The following NKAIN2 variants were observed in gnomAD, a reference collection of about 807,000 sequenced individuals.
The protein encoded by NKAIN2 is sodium/potassium-transporting ATPase subunit beta-1-interacting protein 2.
NKAIN2 carries 14 observed loss-of-function variants against 32.6 expected under a neutral mutation model. That is an observed-to-expected ratio of 0.43 (90% confidence interval 0.28 to 0.67). The LOEUF is 0.67. NKAIN2 is among the 30% of genes least tolerant of loss of function. The probability of loss-of-function intolerance (pLI) is 0.17; values close to 1 mark genes in which losing one functional copy is unlikely to be tolerated. For synonymous variants in NKAIN2, 80 were observed against 87.2 expected, an observed-to-expected ratio of 0.92 and a Z score of 0.46; for missense variants, 198 against 258.3, an observed-to-expected ratio of 0.77 and a Z score of 1.60.
chr6:124,687,584 A>ACATACATGGTATATATTCCATAT (rs1562324953), intron 4 of NKAIN2, among the ~76,000 whole-genome samples: 11 of 89,884 alleles, frequency 1.2e-4, no homozygotes, highest in Non-Finnish European at 1.7e-4. Flanking sequence ...ATATATTTAT[A>ACATACATGGTATATATTCCATAT]ATATAAATAT....
At chr6:123,981,333 T>G (rs189901892) in intron 1 of NKAIN2, among the ~76,000 whole-genome samples, 1 of 152,066 alleles carries the variant, frequency 6.6e-6, no homozygotes, top group African/African-American at 2.4e-5. Flanking sequence ...GTTTAACCAG[T>G]GCTGGAAAAA....
At chr6:124,490,895 T>C (rs1308716975) in intron 3 of NKAIN2, among the ~76,000 whole-genome samples, 1 of 151,958 alleles carries the variant, frequency 6.6e-6, no homozygotes, top group Non-Finnish European at 1.5e-5. Context: ...CTGAAGATTT[T>C]ATCAAACATT....
intron 1 of NKAIN2, among the ~76,000 whole-genome samples, chr6:124,166,857 G>A (rs1283036624): frequency 6.9e-6 from 1 of 145,436 alleles, no homozygotes; most frequent in African/African-American, 2.5e-5. Context: ...TGAGGGCTCT[G>A]TTCTGTTCCA....
intron 3 of NKAIN2, among the ~76,000 whole-genome samples, chr6:124,456,964 T>C (rs962244838): frequency 1.3e-5 from 2 of 151,904 alleles, no homozygotes; most frequent in Non-Finnish European, 2.9e-5. Context: ...GGGACTTTAC[T>C]TGGGTTCATA....
intron 1 of NKAIN2, among the ~76,000 whole-genome samples, chr6:124,001,684 ATTGTT>A (rs1352145618): frequency 2.0e-5 from 3 of 151,446 alleles, no homozygotes; most frequent in Non-Finnish European, 4.4e-5. Flanking sequence ...TTTTTAAATA[ATTGTT>A]TTGTTTAGAA....
At chr6:124,344,341 T>C (rs1395787726) in intron 2 of NKAIN2, among the ~76,000 whole-genome samples, 5 of 152,126 alleles carry the variant, frequency 3.3e-5, no homozygotes, top group Admixed American at 3.3e-4. Flanking sequence ...ATATGAATTT[T>C]AAAGTAGTTT....
chr6:124,323,903 T>G (rs1797308676), intron 2 of NKAIN2, among the ~76,000 whole-genome samples: 1 of 149,448 alleles, frequency 6.7e-6, no homozygotes, highest in South Asian at 2.2e-4. Flanking sequence ...TTCTCCTGCC[T>G]CAGCCTCCCG....
intron 4 of NKAIN2, among the ~76,000 whole-genome samples, chr6:124,758,404 C>A (rs1238382453): frequency 1.3e-5 from 2 of 152,148 alleles, no homozygotes; most frequent in Non-Finnish European, 2.9e-5. Context: ...AGAAGACAGT[C>A]CTCTATGAGC....
At chr6:124,711,511 CT>C (rs1274238637) in intron 4 of NKAIN2, among the ~76,000 whole-genome samples, 1 of 151,062 alleles carries the variant, frequency 6.6e-6, no homozygotes, top group East Asian at 1.9e-4. Context: ...GGAGTCTTCT[CT>C]CATTTCTTTT....
intron 1 of NKAIN2, among the ~76,000 whole-genome samples, chr6:123,890,354 G>A (rs887279081): frequency 1.3e-5 from 2 of 151,814 alleles, no homozygotes; most frequent in Non-Finnish European, 2.9e-5. Flanking sequence ...TGGAGGATGA[G>A]GTGGAAGGAA....
chr6:124,079,128 C>A (rs1029357729), intron 1 of NKAIN2, among the ~76,000 whole-genome samples: 9 of 151,890 alleles, frequency 5.9e-5, no homozygotes, highest in Non-Finnish European at 1.0e-4. Flanking sequence ...TTGAGACCAG[C>A]CTGGCCAACA....
At chr6:124,514,884 A>G (rs1054711131) in intron 3 of NKAIN2, among the ~76,000 whole-genome samples, 1 of 152,172 alleles carries the variant, frequency 6.6e-6, no homozygotes, top group African/African-American at 2.4e-5. Context: ...CTACTGCATC[A>G]GAAAGTGGTG....
chr6:123,851,709 T>C (rs1775355023), intron 1 of NKAIN2, among the ~76,000 whole-genome samples: 1 of 152,188 alleles, frequency 6.6e-6, no homozygotes, highest in East Asian at 1.9e-4. Flanking sequence ...TGTCGAGCTT[T>C]TTAAAAAAAT....
chr6:124,487,152 T>C (rs1194133248), intron 3 of NKAIN2, among the ~76,000 whole-genome samples: 3 of 152,144 alleles, frequency 2.0e-5, no homozygotes, highest in Non-Finnish European at 4.4e-5. Flanking sequence ...TTGGTCAGTG[T>C]TCCCAGAGTT....
chr6:124,379,697 G>T (rs769651797), intron 3 of NKAIN2, among the ~76,000 whole-genome samples: 38 of 152,130 alleles, frequency 2.5e-4, no homozygotes, highest in Non-Finnish European at 5.3e-4. Context: ...ACAGAAGGAA[G>T]TATGTGTGAT....
At chr6:123,890,712 G>A (rs1773967937) in intron 1 of NKAIN2, among the ~76,000 whole-genome samples, 1 of 152,072 alleles carries the variant, frequency 6.6e-6, no homozygotes, top group African/African-American at 2.4e-5. Flanking sequence ...GGAGAAATTG[G>A]AACACTCATG....
At chr6:124,264,033 A>G (rs953219131) in intron 1 of NKAIN2, among the ~76,000 whole-genome samples, 2 of 152,196 alleles carry the variant, frequency 1.3e-5, no homozygotes, top group African/African-American at 2.4e-5. Flanking sequence ...TACCCTGTGG[A>G]TAAGTCCTAA....
intron 1 of NKAIN2, among the ~76,000 whole-genome samples, chr6:124,201,316 T>A (rs546209453): frequency 6.6e-6 from 1 of 152,146 alleles, no homozygotes; most frequent in Admixed American, 6.6e-5. Context: ...TTAATGGTTC[T>A]CTTTAAATAT....
intron 3 of NKAIN2, among the ~76,000 whole-genome samples, chr6:124,464,190 A>G (rs1158712888): frequency 2.0e-5 from 3 of 151,972 alleles, no homozygotes; most frequent in African/African-American, 7.2e-5. Flanking sequence ...GTTTTGTCAC[A>G]TTGGCCAGAG....
Sources: allele counts gnomAD v4.1 joint callset (sites outside exome capture counted in the v4.1 genomes callset), GRCh38; gene constraint gnomAD v4.1.1; transcripts MANE v1.5; gene names NCBI Gene and HGNC (gene_info 2026-07-23, HGNC 2026-07-21).